Variants in SGCZ observed in about 807,000 individuals in gnomAD.
The protein encoded by SGCZ is sarcoglycan zeta, also known as zeta-sarcoglycan.
In SGCZ, 40 loss-of-function variants were observed where a neutral mutation model predicts 41.3. That is an observed-to-expected ratio of 0.97 (90% confidence interval 0.75 to 1.26). The LOEUF (loss-of-function observed/expected upper bound fraction) is 1.26, where lower values mean the gene tolerates loss of function less well. Among genes scored for constraint, SGCZ ranks in the 50% most tolerant of loss-of-function variants. The pLI is 0.00. For synonymous variants in SGCZ, 206 were observed against 137.5 expected (o/e 1.50, Z -3.49); for missense variants, 552 against 369.8 (o/e 1.49, Z -4.04).
chr8:14,788,707 T>C (rs1800851261), intron 1 of SGCZ, among the ~76,000 whole-genome samples: 2 of 152,208 alleles, frequency 1.3e-5, no homozygotes, highest in Admixed American at 6.5e-5. Context: ...TTCTATGAAA[T>C]TGTCATGAAC....
intron 1 of SGCZ, among the ~76,000 whole-genome samples, chr8:14,997,435 T>C (rs1349359568): frequency 6.6e-6 from 1 of 152,248 alleles, no homozygotes; most frequent in African/African-American, 2.4e-5. Context: ...ATCATATTTC[T>C]GTAAGTGAAT....
intron 1 of SGCZ, among the ~76,000 whole-genome samples, chr8:14,749,711 A>G (rs1182901470): frequency 3.3e-5 from 5 of 151,790 alleles, no homozygotes; most frequent in Non-Finnish European, 1.5e-5. Flanking sequence ...AATAACTCAA[A>G]TGCAGTAAGT....
At chr8:14,412,024 T>C (rs941348624) in intron 2 of SGCZ, among the ~76,000 whole-genome samples, 1 of 152,126 alleles carries the variant, frequency 6.6e-6, no homozygotes, top group Non-Finnish European at 1.5e-5. Flanking sequence ...ATCTTCTTTG[T>C]TCACAACAAT....
At chr8:15,205,594 T>A (rs1483172762) in intron 1 of SGCZ, among the ~76,000 whole-genome samples, 1 of 151,156 alleles carries the variant, frequency 6.6e-6, no homozygotes, top group Non-Finnish European at 1.5e-5. Context: ...TAATAAAAAG[T>A]CAAAAAATAA....
At chr8:14,108,394 C>T (rs528165696) in intron 5 of SGCZ, among the ~76,000 whole-genome samples, 159 bp from the exon 6 acceptor site, 1 of 152,078 alleles carries the variant, frequency 6.6e-6, no homozygotes, top group African/African-American at 2.4e-5. Context: ...AAGACATATC[C>T]GAGACTGAGA....
At chr8:14,755,329 T>C (rs1014610371) in intron 1 of SGCZ, among the ~76,000 whole-genome samples, 1 of 152,200 alleles carries the variant, frequency 6.6e-6, no homozygotes, top group African/African-American at 2.4e-5. Flanking sequence ...ACTTTCTATT[T>C]GTTGTTATTG....
At chr8:15,200,820 T>C (rs1800866796) in intron 1 of SGCZ, among the ~76,000 whole-genome samples, 1 of 152,180 alleles carries the variant, frequency 6.6e-6, no homozygotes, top group Non-Finnish European at 1.5e-5. Flanking sequence ...CCAAAGTCCT[T>C]AACCTGTCAC....
At position 14,542,116 on chromosome 8, in the gene SGCZ, G is replaced by A. The variant is rs187983906; in HGVS notation, c.234+12616C>T. Among the ~76,000 whole-genome samples, 494 of 152,166 alleles carry A rather than the reference G, an allele frequency of 3.2e-3. 3 individuals are homozygous for A. Among genetic ancestry groups the A allele is most frequent in the Non-Finnish European group, 5.7e-3 (387 of 68,004 alleles). ...CTCTGATGATATTTTCTTTTGCTGA[G>A]CAGAAGCTCTTTAGTTTAATTAGAT... On this transcript the variant is annotated intron_variant, in intron 2 of 7. Transcript: ENST00000382080.
At chr8:14,647,408 A>G (rs1224453477) in intron 1 of SGCZ, among the ~76,000 whole-genome samples, 4 of 152,042 alleles carry the variant, frequency 2.6e-5, no homozygotes, top group Non-Finnish European at 5.9e-5. Flanking sequence ...AAAGACTAAA[A>G]GTTTATTTCA....
intron 1 of SGCZ, among the ~76,000 whole-genome samples, chr8:14,928,944 G>T (rs1352730541): frequency 6.6e-6 from 1 of 152,068 alleles, no homozygotes; most frequent in African/African-American, 2.4e-5. Context: ...GGAGCTTGAT[G>T]TTATGAAATT....
At chr8:14,111,072 C>T (rs1331888686) in intron 5 of SGCZ, among the ~76,000 whole-genome samples, 3 of 124,398 alleles carry the variant, frequency 2.4e-5, no homozygotes, top group Non-Finnish European at 5.0e-5. Context: ...ACAACAACAA[C>T]AACAACAAAC....
chr8:14,965,967 C>G (rs972128147), intron 1 of SGCZ, among the ~76,000 whole-genome samples: 4 of 151,970 alleles, frequency 2.6e-5, no homozygotes, highest in Non-Finnish European at 4.4e-5. Flanking sequence ...GATTTAAAAA[C>G]CTACAGAATG....
chr8:15,237,172 G>C (rs1035123778), intron 1 of SGCZ, among the ~76,000 whole-genome samples: 1 of 152,212 alleles, frequency 6.6e-6, no homozygotes, highest in Admixed American at 6.5e-5. Context: ...ATCGGAGCCG[G>C]GAAGAGGAGG....
intron 2 of SGCZ, among the ~76,000 whole-genome samples, chr8:14,342,266 G>C (rs1235318288): frequency 6.6e-6 from 1 of 152,168 alleles, no homozygotes; most frequent in Non-Finnish European, 1.5e-5. Context: ...CTAGAGATTT[G>C]TGGAACTTTG....
chr8:14,623,449 T>A (rs1806350324), intron 1 of SGCZ, among the ~76,000 whole-genome samples: 1 of 152,154 alleles, frequency 6.6e-6, no homozygotes, highest in Non-Finnish European at 1.5e-5. Context: ...GAGGCAGACA[T>A]CTCTGACCTC....
chr8:14,668,668 G>A (rs1201204526), intron 1 of SGCZ, among the ~76,000 whole-genome samples: 1 of 152,270 alleles, frequency 6.6e-6, no homozygotes, highest in East Asian at 1.9e-4. Flanking sequence ...AAGTTATGAG[G>A]AAATATGAAG....
chr8:15,112,920 A>G (rs1336003967), intron 1 of SGCZ, among the ~76,000 whole-genome samples: 1 of 152,136 alleles, frequency 6.6e-6, no homozygotes, highest in East Asian at 1.9e-4. Flanking sequence ...TGGGTAGTTT[A>G]TTAAGTAGTA....
Position 14,292,611 on chromosome 8 carries a change from G to A in SGCZ, c.336+31492C>T, listed in dbSNP as rs574100657. Among the ~76,000 whole-genome samples the A allele has an allele frequency of 2.6e-5, 4 of 152,106 alleles. No individual in the cohort carries two copies. The South Asian group carries it at 6.2e-4, about 24-fold the overall frequency. Reference sequence around the variant, plus strand: ...TTCCATGTTTATATGCTCTACCTATGACAATATGGCCTGGTAATGTAGCGC... The same window carrying A: ...TTCCATGTTTATATGCTCTACCTATAACAATATGGCCTGGTAATGTAGCGC... On this transcript the variant is annotated intron_variant, in intron 3 of 7. Coordinates refer to ENST00000382080, the MANE Select transcript of SGCZ (RefSeq NM_139167.4).
intron 1 of SGCZ, among the ~76,000 whole-genome samples, chr8:14,890,575 T>TC (rs1209999275): frequency 2.0e-5 from 3 of 152,166 alleles, no homozygotes; most frequent in Non-Finnish European, 4.4e-5. Context: ...AAAGAAACCA[T>TC]CCCCATAACC....
Sources: gnomAD v4.1 joint callset for allele counts (sites outside exome capture counted in the v4.1 genomes callset) on GRCh38, gnomAD v4.1.1 for gene constraint, MANE v1.5 for transcripts, NCBI Gene and HGNC (gene_info 2026-07-23, HGNC 2026-07-21) for gene names.